Variants in CREBZF observed in about 807,000 individuals in gnomAD.
The protein encoded by CREBZF is HCF-binding transcription factor Zhangfei.
In CREBZF, 8 loss-of-function variants were observed where a neutral mutation model predicts 21.1. The observed-to-expected ratio is 0.38, with a 90% confidence interval of 0.22 to 0.68. CREBZF has a LOEUF of 0.68. Among genes scored for constraint, CREBZF ranks in the 30% least tolerant of loss-of-function variants. The pLI, the probability that CREBZF is intolerant of heterozygous loss-of-function variation, is 0.51. For synonymous variants in CREBZF, 270 were observed against 223.3 expected (o/e 1.21, Z -1.86); for missense variants, 518 against 484.3 (o/e 1.07, Z -0.65).
rs917504837 is a variant in CREBZF, at chr11:85,661,014, T to A, written c.*2797A>T. On this transcript the variant is annotated 3_prime_UTR_variant, in exon 1 of 1. Coordinates refer to ENST00000527447, the MANE Select transcript of CREBZF (RefSeq NM_001039618.4). ...TTTTATATTCCAGAAATCTCCTTTATCCATGTGCTAATCATCCAGAACACA... is the reference window on the plus strand; with the variant it reads ...TTTTATATTCCAGAAATCTCCTTTAACCATGTGCTAATCATCCAGAACACA... The A allele has an allele frequency of 6.5e-6, 1 of 154,952 alleles. No homozygotes were observed. The highest frequency in any genetic ancestry group is 1.4e-5 in the Non-Finnish European group (1 of 69,772). 9.6% of individuals were successfully genotyped at this position (154,952 alleles called of 1,614,324 possible). A position where few individuals can be genotyped will look rare whatever the true frequency, so the allele number is the denominator to read the frequency against.
chr11:85,664,635 C>A lies in CREBZF; in HGVS notation c.241G>T (p.Glu81Ter), dbSNP rs747128865. ...GGVAVRAPSP[E>*]EMEEEAIASL... Reference sequence around the variant, plus strand: ...GCGATCGCCTCCTCCTCCATCTCCTCGGGGGAGGGCGCGCGCACGGCCACG... The same window carrying A: ...GCGATCGCCTCCTCCTCCATCTCCTAGGGGGAGGGCGCGCGCACGGCCACG... Residue 81 changes from glutamate to a stop codon, truncating the protein, a stop_gained, in exon 1 of 1, where the codon GAG becomes TAG. Coordinates refer to ENST00000527447, the MANE Select transcript of CREBZF (RefSeq NM_001039618.4). LOFTEE classifies it high-confidence loss of function. This position sits in a 1 kb window ranked among gnomAD's most constrained non-coding sequence, Gnocchi z 5.5. 3.7e-6 allele frequency: 6 copies of A among 1,606,700 alleles called. No homozygotes were observed. In the Admixed American group the frequency reaches 1.0e-4, roughly 27 times the overall value.
At chr11:85,682,821 C>G in exon 1 of CREBZF, 1 of 702,184 alleles carries the variant, frequency 1.4e-6, no homozygotes, top group Non-Finnish European at 2.6e-6. Context: ...ACCACGGGGC[C>G]GCAATTTGGG....
intron 1 of CREBZF, among the ~76,000 whole-genome samples, chr11:85,677,630 A>C (rs1233217157): frequency 6.6e-6 from 1 of 152,188 alleles, no homozygotes; most frequent in African/African-American, 2.4e-5. Context: ...TTAGGGCTTA[A>C]TTATCTTAAG....
In CREBZF at chr11:85,663,442, C is replaced by A; in HGVS notation, c.*369G>T. 2 of 693,488 alleles carry A rather than the reference C, an allele frequency of 2.9e-6. No individual in the cohort carries two copies. The highest frequency in any genetic ancestry group is 2.6e-5 in the Admixed American group (1 of 38,526). 43.0% of individuals were successfully genotyped at this position (693,488 alleles called of 1,614,324 possible). On this transcript the variant is annotated 3_prime_UTR_variant, in exon 1 of 1. Transcript: ENST00000527447. ...AAAACAGAAAAAAAAAAAAAAATCACACACACACAAACTGAGATGTTGCCC... is the reference window on the plus strand; with the variant it reads ...AAAACAGAAAAAAAAAAAAAAATCAAACACACACAAACTGAGATGTTGCCC...
Position 85,663,973 on chromosome 11 carries a change from G to T in CREBZF, c.903C>A (p.Ala301=), listed in dbSNP as rs746680433. 6.2e-7 allele frequency: 1 copy of T among 1,613,294 alleles called. No individual in the cohort carries two copies. The highest frequency in any genetic ancestry group is 2.2e-5 in the East Asian group (1 of 44,870). ...LTTSLFRDSP[A]GDHDYALPVG... is the part of the protein sequence containing the mutation. The stretch of plus-strand genomic sequence containing the variant: ...CCGGCAGAGCGTAGTCGTGGTCACC[G>T]GCGGGCGAGTCTCTGAAGAGCGAGG... Residue 301 remains alanine (A), a synonymous_variant, in exon 1 of 1, where the codon GCC becomes GCA. Coordinates refer to ENST00000527447, the MANE Select transcript of CREBZF (RefSeq NM_001039618.4).
chr11:85,682,320 C>T (rs1378375894), intron 1 of CREBZF, among the ~76,000 whole-genome samples: 4 of 152,144 alleles, frequency 2.6e-5, no homozygotes, highest in Non-Finnish European at 5.9e-5. Context: ...GCACATTTCT[C>T]TTAGTCTATG....
rs2082692110 is a variant in CREBZF at position 85,661,906 on chromosome 11, C to A, written c.*1905G>T. ...CAAAAAAGCTACATTTAACATATTT[C>A]ATAAAGATAGCACAAATTAGTCATT... On this transcript the variant is annotated 3_prime_UTR_variant, in exon 1 of 1. Coordinates refer to ENST00000527447, the MANE Select transcript of CREBZF (RefSeq NM_001039618.4). The A allele has an allele frequency of 4.6e-5, 7 of 151,280 alleles. No individual in the cohort carries two copies. In the Admixed American group the frequency reaches 4.6e-4, roughly 10 times the overall value. The allele number at this position is 151,280 out of a possible 1,614,324, so 9.4% of individuals were successfully genotyped here. A position where few individuals can be genotyped will look rare whatever the true frequency, so the allele number is the denominator to read the frequency against.
chr11:85,679,181 C>T (rs775655165), intron 1 of CREBZF, among the ~76,000 whole-genome samples: 5 of 152,208 alleles, frequency 3.3e-5, no homozygotes, highest in South Asian at 4.1e-4. Flanking sequence ...ATGTTTTCCT[C>T]TTCTCTTGGA....
chr11:85,681,252 C>T (rs1183189626), intron 1 of CREBZF, among the ~76,000 whole-genome samples: 2 of 152,124 alleles, frequency 1.3e-5, no homozygotes, highest in Non-Finnish European at 2.9e-5. Flanking sequence ...CTGACTCAGC[C>T]CACAGCTACC....
chr11:85,658,505 T>TA lies in CREBZF; in HGVS notation c.*5305dup. ...CCAAAATTTTTGTTCAGAGGGCAGA[T>TA]ATCTGCATTATTTAAGGACATTTAG... On this transcript the variant is annotated 3_prime_UTR_variant, in exon 1 of 1. Coordinates refer to ENST00000527447, the MANE Select transcript of CREBZF (RefSeq NM_001039618.4). Among the ~76,000 whole-genome samples the TA allele has an allele frequency of 6.6e-6, 1 of 152,106 alleles. No individual in the cohort carries two copies. The highest frequency in any genetic ancestry group is 1.5e-5 in the Non-Finnish European group (1 of 67,918).
intron 1 of CREBZF, among the ~76,000 whole-genome samples, chr11:85,681,191 T>C (rs2082974748): frequency 6.6e-6 from 1 of 152,166 alleles, no homozygotes; most frequent in East Asian, 1.9e-4. Flanking sequence ...ATATCTCAAG[T>C]CTGCCCAACT....
upstream of CREBZF, among the ~76,000 whole-genome samples, chr11:85,670,125 A>C (rs1381530336): frequency 1.3e-5 from 2 of 152,050 alleles, no homozygotes; most frequent in Admixed American, 1.3e-4. Flanking sequence ...TGTTGTAAAT[A>C]CACAAGCATT....
chr11:85,661,041 T>G lies in CREBZF; in HGVS notation c.*2770A>C, dbSNP rs1419113723. The G allele has an allele frequency of 6.5e-6, 1 of 153,286 alleles. No homozygotes were observed. Among genetic ancestry groups the G allele is most frequent in the African/African-American group, 2.4e-5 (1 of 41,452 alleles). The allele number at this position is 153,286 out of a possible 1,614,324, so 9.5% of individuals were successfully genotyped here. A position where few individuals can be genotyped will look rare whatever the true frequency, so the allele number is the denominator to read the frequency against. On this transcript the variant is annotated 3_prime_UTR_variant, in exon 1 of 1. Transcript: ENST00000527447. ...CATGTGCTAATCATCCAGAACACAA[T>G]TTTCTAAAAATAGTAAGACAACAGT...
chr11:85,678,464 C>G (rs1011864825), intron 1 of CREBZF, among the ~76,000 whole-genome samples: 2 of 151,944 alleles, frequency 1.3e-5, no homozygotes, highest in East Asian at 3.9e-4. Context: ...TAAATACCTG[C>G]ATTTAAGTCT....
In CREBZF at chr11:85,664,662, C is replaced by T; in HGVS notation, c.214G>A (p.Gly72Ser). ...ELEAGRGSRGGVAVRAPSPEE... is the reference protein window; with the variant it reads ...ELEAGRGSRGSVAVRAPSPEE... ...GGGGAGGGCGCGCGCACGGCCACGC[C>T]GCCGCGGCTCCCCCTCCCGGCTTCC... Residue 72 changes from glycine (G) to serine (S), a missense_variant, in exon 1 of 1, where the codon GGC becomes AGC. Physicochemically the swap from Gly to Ser is moderately conservative, Grantham distance 56. This residue lies in a region of CREBZF where 396 missense variants were observed against 324.4 expected (regional missense o/e 1.22). Coordinates refer to ENST00000527447, the MANE Select transcript of CREBZF (RefSeq NM_001039618.4). This position sits in a 1 kb window ranked among gnomAD's most constrained non-coding sequence, Gnocchi z 5.5. 1 of 1,603,988 alleles carries T rather than the reference C, an allele frequency of 6.2e-7. No individual in the cohort carries two copies. The highest frequency in any genetic ancestry group is 8.5e-7 in the Non-Finnish European group (1 of 1,175,006).
At chr11:85,674,109 T>C (rs1253178651) in intron 1 of CREBZF, among the ~76,000 whole-genome samples, 1 of 152,240 alleles carries the variant, frequency 6.6e-6, no homozygotes, top group African/African-American at 2.4e-5. Context: ...ACGTTCTCAA[T>C]GGCATCTAGA....
chr11:85,662,139 T>C lies in CREBZF; in HGVS notation c.*1672A>G. On this transcript the variant is annotated 3_prime_UTR_variant, in exon 1 of 1. Transcript: ENST00000527447. ...TGCAGTAGTAGATGATTTTACAAAA[T>C]ATGCTGTGATGCACTGGAAACCAAA... 2 of 434,280 alleles carry C rather than the reference T, an allele frequency of 4.6e-6. No individual in the cohort carries two copies. Among genetic ancestry groups the C allele is most frequent in the South Asian group, 5.8e-5 (2 of 34,430 alleles). 26.9% of individuals were successfully genotyped at this position (434,280 alleles called of 1,614,324 possible). A position where few individuals can be genotyped will look rare whatever the true frequency, so the allele number is the denominator to read the frequency against.
In CREBZF at chr11:85,664,876, G is replaced by A; in HGVS notation, c.-1C>T. On this transcript the variant is annotated 5_prime_UTR_variant, in exon 1 of 1. Transcript: ENST00000527447. The surrounding 1 kb of genome is among the most constrained non-coding windows in gnomAD (Gnocchi z 5.5). ...GCAGCTTGGTCAGGCTATGCCTCAT[G>A]AGGGCCAGCGGCGGGCCGCGGTAGG... is the stretch of plus-strand genomic sequence containing the variant. The A allele has an allele frequency of 1.4e-6, 2 of 1,480,670 alleles. No homozygotes were observed. Among genetic ancestry groups the A allele is most frequent in the East Asian group, 2.4e-5 (1 of 40,942 alleles). The allele number at this position is 1,480,670 out of a possible 1,614,324, so 91.7% of individuals were successfully genotyped here.
chr11:85,666,208 C>CA (rs1488639518), upstream of CREBZF, among the ~76,000 whole-genome samples: 3 of 152,320 alleles, frequency 2.0e-5, no homozygotes, highest in Middle Eastern at 3.4e-3. Flanking sequence ...TCACATCCCA[C>CA]AAGGGATTTC....
Sources: gnomAD v4.1 joint callset for allele counts (sites outside exome capture counted in the v4.1 genomes callset) on GRCh38, gnomAD v4.1.1 for gene constraint, gnomAD v4.1.1 regional missense constraint, Gnocchi (gnomAD v3.1) non-coding constraint, MANE v1.5 for transcripts, NCBI Gene and HGNC (gene_info 2026-07-23, HGNC 2026-07-21) for gene names.